Variants in KDM1A observed in about 807,000 individuals in gnomAD.
KDM1A encodes lysine demethylase 1A.
A neutral mutation model predicts 109.4 loss-of-function variants in KDM1A; 49 were observed. The observed-to-expected ratio is 0.45, with a 90% CI of 0.36 to 0.57. The LOEUF is 0.57. KDM1A is among the 20% of genes least tolerant of loss of function. The pLI is 0.00. For missense variants in KDM1A, 668 were observed against 1,116.6 expected, an observed-to-expected ratio of 0.60 and a Z score of 5.73; for synonymous variants, 380 against 415.4, an observed-to-expected ratio of 0.91 and a Z score of 1.04.
Position 23,055,926 on chromosome 1 carries a change from T to C in KDM1A, c.884-6T>C, listed in dbSNP as rs1177481586. Reference sequence around the variant, plus strand: ...CAAAATCTTTTTTTTCATTTTTTGCTTTTAGCTAAAAAGACAGGAAAGGTA... The same window carrying C: ...CAAAATCTTTTTTTTCATTTTTTGCCTTTAGCTAAAAAGACAGGAAAGGTA... On this transcript the variant is annotated splice_polypyrimidine_tract_variant and splice_region_variant and intron_variant, in intron 6 of 20. Transcript: ENST00000400181. The C allele has an allele frequency of 1.3e-6, 2 of 1,587,082 alleles. No homozygotes were observed. Among genetic ancestry groups the C allele is most frequent in the Non-Finnish European group, 1.7e-6 (2 of 1,165,558 alleles).
At chr1:23,034,380 G>A (rs1156801019) in intron 2 of KDM1A, among the ~76,000 whole-genome samples, 2 of 152,188 alleles carry the variant, frequency 1.3e-5, no homozygotes, top group African/African-American at 4.8e-5. Context: ...GTTACTAGCA[G>A]CGTCACATAA....
At chr1:23,081,212 G>A (rs1477674877) in intron 18 of KDM1A, 12 of 474,594 alleles carry the variant, frequency 2.5e-5, no homozygotes, top group African/African-American at 3.9e-5. Context: ...GAAGCAGTGA[G>A]GTGCCTGAGA....
At position 23,050,470 on chromosome 1, in the gene KDM1A, A is replaced by G. The variant is rs1451121697; in HGVS notation, c.661A>G (p.Ser221Gly). Residue 221 changes from serine (S) to glycine (G), a missense_variant, in exon 4 of 21, where the codon AGT becomes GGT. Physicochemically the swap from Ser to Gly is moderately conservative, Grantham distance 56. Coordinates refer to ENST00000400181, the MANE Select transcript of KDM1A (RefSeq NM_001009999.3). ...AGCAGCCTGTTTTCCAGATATTATC[A>G]GTGGACCACAACAGACCCAGAAGGT... is the stretch of plus-strand genomic sequence containing the variant. ...QEAACFPDII[S>G]GPQQTQKVFL... is the part of the protein sequence containing the mutation. 8.1e-6 allele frequency: 13 copies of G among 1,613,344 alleles called. No individual in the cohort carries two copies. The highest frequency in any genetic ancestry group is 1.1e-5 in the Non-Finnish European group (13 of 1,179,658).
chr1:23,078,830 T>G (rs1643539211), intron 16 of KDM1A, 160 bp from the exon 17 acceptor site: 1 of 687,478 alleles, frequency 1.5e-6, no homozygotes, highest in Non-Finnish European at 2.5e-6. Flanking sequence ...GATGAGTTAT[T>G]TCACCTCTAC....
chr1:23,046,532 C>G (rs1642509546), intron 3 of KDM1A, among the ~76,000 whole-genome samples: 1 of 152,058 alleles, frequency 6.6e-6, no homozygotes, highest in Admixed American at 6.6e-5. Flanking sequence ...TTTTATATCT[C>G]TATTACCTTA....
intron 2 of KDM1A, among the ~76,000 whole-genome samples, chr1:23,031,215 T>C (rs1015305220): frequency 2.0e-5 from 3 of 152,208 alleles, no homozygotes. Context: ...GAATTCTCAC[T>C]AACATCCCCT....
At chr1:23,020,092 T>G in intron 1 of KDM1A, 145 bp downstream of exon 1, 7 of 843,000 alleles carry the variant, frequency 8.3e-6, no homozygotes, top group Non-Finnish European at 9.9e-6. Context: ...ACGTCCCCTC[T>G]AGCTGGACGG....
At chr1:23,026,800 A>T (rs113762462) in intron 1 of KDM1A, among the ~76,000 whole-genome samples, 6 of 152,220 alleles carry the variant, frequency 3.9e-5, no homozygotes, top group African/African-American at 1.4e-4. Context: ...AGAGTCATCA[A>T]TGTGAAAGTA....
At chr1:23,054,095 G>C (rs753992395) in intron 5 of KDM1A, among the ~76,000 whole-genome samples, 1 of 152,084 alleles carries the variant, frequency 6.6e-6, no homozygotes, top group Non-Finnish European at 1.5e-5. Context: ...GTCCAGCTTT[G>C]ATCCATGGAA....
intron 1 of KDM1A, 67 bp from the exon 2 acceptor site, chr1:23,030,402 T>G (rs1641948148): frequency 1.6e-6 from 2 of 1,223,404 alleles, no homozygotes; most frequent in Non-Finnish European, 2.2e-6. Context: ...GACTGATGGT[T>G]CCAAATAGAG....
At chr1:23,072,430 G>A (rs986974237) in intron 14 of KDM1A, among the ~76,000 whole-genome samples, 5 of 152,140 alleles carry the variant, frequency 3.3e-5, no homozygotes, top group African/African-American at 1.2e-4. Context: ...GCCTTTCTCC[G>A]TAAGATCTGA....
chr1:23,082,556 T>A, intron 20 of KDM1A, 190 bp downstream of exon 20: 1 of 542,246 alleles, frequency 1.8e-6, no homozygotes, highest in Non-Finnish European at 3.2e-6. Context: ...ATCTAGGCAG[T>A]CTACATTCAG....
At chr1:23,034,096 C>T (rs1052766776) in intron 2 of KDM1A, among the ~76,000 whole-genome samples, 4 of 152,036 alleles carry the variant, frequency 2.6e-5, no homozygotes, top group South Asian at 2.1e-4. Flanking sequence ...AATTTTTGAC[C>T]GTAAGTTAAT....
chr1:23,066,309 T>C (rs943825384), intron 10 of KDM1A, among the ~76,000 whole-genome samples: 1 of 152,132 alleles, frequency 6.6e-6, no homozygotes, highest in Admixed American at 6.5e-5. Flanking sequence ...GGGGAAAGTG[T>C]AATGAATCCA....
At chr1:23,044,187 A>G (rs1238489669) in intron 2 of KDM1A, 2 of 431,002 alleles carry the variant, frequency 4.6e-6, no homozygotes, top group South Asian at 2.2e-5. Context: ...TAGAAATACT[A>G]TGTACTTTGT....
intron 4 of KDM1A, among the ~76,000 whole-genome samples, chr1:23,053,189 C>G (rs903077430): frequency 1.3e-5 from 2 of 152,022 alleles, no homozygotes; most frequent in African/African-American, 4.8e-5. Context: ...CTAGTTGCTC[C>G]CTTCTAGCTC....
At chr1:23,069,178 T>C (rs1321937999) in intron 12 of KDM1A, 27 bp downstream of exon 12, 1 of 1,407,316 alleles carries the variant, frequency 7.1e-7, no homozygotes, top group East Asian at 2.3e-5. Context: ...TCTTCATAGC[T>C]GAAGAAGCTT....
At chr1:23,041,542 A>T (rs1353719448) in intron 2 of KDM1A, among the ~76,000 whole-genome samples, 1 of 146,168 alleles carries the variant, frequency 6.8e-6, no homozygotes, top group Non-Finnish European at 1.5e-5. Flanking sequence ...TCCCGAGTTC[A>T]AGCGATTCTC....
chr1:23,031,344 A>G (rs1641974821), intron 2 of KDM1A, among the ~76,000 whole-genome samples: 1 of 152,158 alleles, frequency 6.6e-6, no homozygotes, highest in South Asian at 2.1e-4. Flanking sequence ...TGTGCCCTTA[A>G]TGACATTTTA....
Sources: allele counts gnomAD v4.1 joint callset (sites outside exome capture counted in the v4.1 genomes callset), GRCh38; gene constraint gnomAD v4.1.1; transcripts MANE v1.5; gene names NCBI Gene and HGNC (gene_info 2026-07-23, HGNC 2026-07-21).